C2CD3: variants seen among roughly 807,000 people sequenced by gnomAD.
C2CD3 encodes the protein C2 domain-containing protein 3.
Under a neutral mutation model 234.0 loss-of-function variants are expected in C2CD3, and 148 were observed. The observed-to-expected ratio is 0.63, with a 90% CI of 0.55 to 0.72. The LOEUF (loss-of-function observed/expected upper bound fraction) is 0.72, where lower values mean the gene tolerates loss of function less well. Among genes scored for constraint, C2CD3 ranks in the 30% least tolerant of loss-of-function variants. The probability of loss-of-function intolerance (pLI) is 0.00; values close to 1 mark genes in which losing one functional copy is unlikely to be tolerated. For missense variants in C2CD3, 2,577 were observed against 2,811.5 expected (o/e 0.92, Z 1.89); for synonymous variants, 1,000 against 1,035.4 (o/e 0.97, Z 0.66).
Position 74,078,126 on chromosome 11 carries a change from A to G in C2CD3, c.4592T>C (p.Leu1531Pro). 6.2e-7 allele frequency: 1 copy of G among 1,613,060 alleles called. No individual in the cohort carries two copies. The highest frequency in any genetic ancestry group is 1.1e-5 in the South Asian group (1 of 90,966). ...GGCTCCTCACTTACCACTGACAGTTAGCGTCCTCGCTGACCTCTCCCCAAG... is the reference window on the plus strand; with the variant it reads ...GGCTCCTCACTTACCACTGACAGTTGGCGTCCTCGCTGACCTCTCCCCAAG... ...ARLGERSART[L>P]TVSGVYPLFG... The change falls in exon 23 of 33, where the codon CTA becomes CCA. Residue 1531 changes from leucine to proline, a missense_variant. Physicochemically the swap from Leu to Pro is moderately conservative, Grantham distance 98 (BLOSUM62 -3). Coordinates refer to ENST00000334126, the MANE Select transcript of C2CD3 (RefSeq NM_001286577.2).
chr11:74,150,522 A>AAAAAAAAAAAAACAAAAC, intron 3 of C2CD3, among the ~76,000 whole-genome samples: 1 of 63,540 alleles, frequency 1.6e-5, no homozygotes, highest in Non-Finnish European at 3.2e-5. Context: ...AAAACAAAAA[A>AAAAAAAAAAAAACAAAAC]AAAACAAAAC....
intron 24 of C2CD3, among the ~76,000 whole-genome samples, chr11:74,072,298 T>A (rs1172944894): frequency 5.3e-5 from 8 of 152,188 alleles, no homozygotes; most frequent in Non-Finnish European, 8.8e-5. Flanking sequence ...AAGCTTATAA[T>A]CCCAGGAGTA....
At chr11:74,114,254 A>G (rs1956851656) in intron 10 of C2CD3, 130 bp downstream of exon 10, 1 of 690,172 alleles carries the variant, frequency 1.4e-6, no homozygotes. Context: ...GGGATTCAAT[A>G]TATTTCTGTA....
intron 5 of C2CD3, among the ~76,000 whole-genome samples, chr11:74,135,060 A>G (rs2135539240): frequency 6.6e-6 from 1 of 152,292 alleles, no homozygotes; most frequent in South Asian, 2.1e-4. Flanking sequence ...ACTTAAAAAA[A>G]ATCCAAAATC....
intron 30 of C2CD3, chr11:74,036,339 C>A: frequency 4.8e-6 from 2 of 417,200 alleles, no homozygotes; most frequent in South Asian, 1.7e-5. Flanking sequence ...CCTGTCATAT[C>A]CACCACTGTA....
rs373500505 is a variant in C2CD3, at chr11:74,092,500, G to C, written c.3433C>G (p.Arg1145Gly). The change falls in exon 19 of 33, where the codon CGT becomes GGT. Residue 1145 changes from arginine to glycine, a missense_variant. By Grantham distance (125) the Arg-to-Gly change is moderately radical. Transcript: ENST00000334126. ...RICAMVTTQH[R>G]EDVGIQTFNL... ...AAGGTCTGTATTCCCACATCCTCAC[G>C]ATGCTGGGTGGTTACCATAGCACAG... 4 of 1,613,498 alleles carry C rather than the reference G, an allele frequency of 2.5e-6. No individual in the cohort carries two copies. The African/African-American group carries it at 5.3e-5, about 22-fold the overall frequency.
In C2CD3 at chr11:74,085,384, T is replaced by C. The variant is rs952975087; in HGVS notation, c.3910+234A>G. On this transcript the variant is annotated intron_variant, in intron 21 of 32. Coordinates refer to ENST00000334126, the MANE Select transcript of C2CD3 (RefSeq NM_001286577.2). ...TATAATAATGAACTCCTACACACCC[T>C]TCATCTCGATACACCCATTAACACT... 70 of 514,452 alleles carry C rather than the reference T, an allele frequency of 1.4e-4. No homozygotes were observed. In the Middle Eastern group the frequency reaches 2.6e-3, roughly 19 times the overall value. 31.9% of individuals were successfully genotyped at this position (514,452 alleles called of 1,614,324 possible).
chr11:74,066,237 A>C (rs1954526426), intron 24 of C2CD3, among the ~76,000 whole-genome samples: 1 of 39,004 alleles, frequency 2.6e-5, no homozygotes, highest in African/African-American at 1.2e-4. Flanking sequence ...CATAGGTGGG[A>C]CTTGAACAAT....
intron 8 of C2CD3, among the ~76,000 whole-genome samples, chr11:74,119,338 T>C (rs912313972): frequency 6.6e-6 from 1 of 152,158 alleles, no homozygotes; most frequent in African/African-American, 2.4e-5. Flanking sequence ...CCCTTGCAAT[T>C]CATTTTTATT....
chr11:74,116,872 A>ATG (rs1565312370), intron 9 of C2CD3, among the ~76,000 whole-genome samples: 23 of 135,108 alleles, frequency 1.7e-4, no homozygotes, highest in African/African-American at 5.4e-4. Flanking sequence ...ACACGTGTAT[A>ATG]TGTATATATA....
intron 22 of C2CD3, among the ~76,000 whole-genome samples, chr11:74,082,863 T>C (rs918893043): frequency 6.6e-6 from 1 of 152,210 alleles, no homozygotes; most frequent in East Asian, 1.9e-4. Context: ...ATGGCCATAC[T>C]GCCGAAGGTA....
In C2CD3 at chr11:74,118,400, C is replaced by G; in HGVS notation, c.1366-18G>C. Reference sequence around the variant, plus strand: ...TCAGATTTCTATGGAGAGGAAGAAACAGAGACACTAAATGACTGCTGCTTT... The same window carrying G: ...TCAGATTTCTATGGAGAGGAAGAAAGAGAGACACTAAATGACTGCTGCTTT... On this transcript the variant is annotated intron_variant, in intron 8 of 32. Coordinates refer to ENST00000334126, the MANE Select transcript of C2CD3 (RefSeq NM_001286577.2). 1 of 1,603,882 alleles carries G rather than the reference C, an allele frequency of 6.2e-7. No individual in the cohort carries two copies. The highest frequency in any genetic ancestry group is 8.5e-7 in the Non-Finnish European group (1 of 1,171,790).
chr11:74,026,692 G>A (rs73555956), intron 32 of C2CD3, among the ~76,000 whole-genome samples: 2,752 of 152,208 alleles, frequency 0.018, 79 homozygotes, highest in African/African-American at 0.063. Flanking sequence ...GATTCAGGCC[G>A]GGCGCAGTGG....
At chr11:74,144,602 C>T (rs944856776) in intron 3 of C2CD3, among the ~76,000 whole-genome samples, 1 of 152,060 alleles carries the variant, frequency 6.6e-6, no homozygotes. Context: ...CTCCCTCTTC[C>T]CACTCTCCTC....
chr11:74,086,554 T>C (rs1955650620), intron 20 of C2CD3, among the ~76,000 whole-genome samples: 1 of 152,238 alleles, frequency 6.6e-6, no homozygotes, highest in South Asian at 2.1e-4. Context: ...TACAGTGATC[T>C]TGTCTGATGC....
chr11:74,039,952 A>C (rs1201237060), intron 29 of C2CD3, among the ~76,000 whole-genome samples: 1 of 152,244 alleles, frequency 6.6e-6, no homozygotes, highest in East Asian at 1.9e-4. Context: ...CACCTTACTA[A>C]TATGAAGATA....
chr11:74,116,775 T>C (rs1415135574), intron 9 of C2CD3, among the ~76,000 whole-genome samples: 1 of 148,442 alleles, frequency 6.7e-6, no homozygotes, highest in African/African-American at 2.5e-5. Flanking sequence ...TATACATATA[T>C]GTGTGTATAT....
At chr11:74,029,398 T>G (rs1212539752) in intron 31 of C2CD3, among the ~76,000 whole-genome samples, 1 of 152,258 alleles carries the variant, frequency 6.6e-6, no homozygotes, top group Non-Finnish European at 1.5e-5. Flanking sequence ...CCTAGCATAG[T>G]ACCTGGGAGA....
chr11:74,049,634 T>C, intron 26 of C2CD3, 92 bp from the exon 27 acceptor site: 1 of 979,550 alleles, frequency 1.0e-6, no homozygotes, highest in Admixed American at 2.2e-5. Flanking sequence ...ATTCAGGGGA[T>C]GGAGGAATTT....
Sources: allele counts gnomAD v4.1 joint callset (sites outside exome capture counted in the v4.1 genomes callset), GRCh38; gene constraint gnomAD v4.1.1; transcripts MANE v1.5; gene names NCBI Gene and HGNC (gene_info 2026-07-23, HGNC 2026-07-21).